Variants in GRM1 observed in about 807,000 individuals in gnomAD.
The protein encoded by GRM1 is glutamate metabotropic receptor 1, also known as metabotropic glutamate receptor 1.
Under a neutral mutation model 90.9 loss-of-function variants are expected in GRM1, and 33 were observed. The ratio of observed to expected loss-of-function variants is 0.36; its 90% CI spans 0.28 to 0.49. The LOEUF is 0.49. GRM1 is among the 20% of genes least tolerant of loss of function. GRM1 has a pLI of 0.99. For synonymous variants in GRM1, 700 were observed against 613.2 expected, an observed-to-expected ratio of 1.14 and a Z score of -2.09; for missense variants, 1,190 against 1,534.3, an observed-to-expected ratio of 0.78 and a Z score of 3.75.
chr6:146,114,729 T>C (rs1235013555), intron 1 of GRM1, among the ~76,000 whole-genome samples: 1 of 152,144 alleles, frequency 6.6e-6, no homozygotes, highest in Non-Finnish European at 1.5e-5. Context: ...ATAATATTAG[T>C]TGTGTTTGGG....
chr6:146,386,665 T>C (rs1225738879), intron 5 of GRM1, among the ~76,000 whole-genome samples: 1 of 152,050 alleles, frequency 6.6e-6, no homozygotes, highest in Non-Finnish European at 1.5e-5. Context: ...TGAATTATTA[T>C]TGAAAAGCCT....
chr6:146,048,584 A>G (rs938911508), intron 1 of GRM1, among the ~76,000 whole-genome samples: 1 of 152,026 alleles, frequency 6.6e-6, no homozygotes, highest in African/African-American at 2.4e-5. Context: ...ATATCTCATA[A>G]TATGAGCTTA....
At chr6:146,117,636 A>C (rs997589668) in intron 1 of GRM1, among the ~76,000 whole-genome samples, 1 of 151,968 alleles carries the variant, frequency 6.6e-6, no homozygotes, top group African/African-American at 2.4e-5. Context: ...ATGTTTCACT[A>C]TCTACTACAA....
intron 2 of GRM1, among the ~76,000 whole-genome samples, chr6:146,234,882 A>G (rs1168750444): frequency 6.6e-6 from 1 of 152,066 alleles, no homozygotes; most frequent in Non-Finnish European, 1.5e-5. Context: ...AGCTGAGACT[A>G]CAAGCATGGG....
chr6:146,408,033 C>T (rs527791648), intron 7 of GRM1, among the ~76,000 whole-genome samples: 4 of 152,242 alleles, frequency 2.6e-5, no homozygotes, highest in South Asian at 4.1e-4. Context: ...ATATATTGCT[C>T]ACAGTTCTGG....
intron 1 of GRM1, among the ~76,000 whole-genome samples, chr6:146,159,023 A>C (rs1777615761): frequency 6.6e-6 from 1 of 152,186 alleles, no homozygotes; most frequent in Non-Finnish European, 1.5e-5. Flanking sequence ...CAATGCACTG[A>C]TCTCTCCTAC....
At chr6:146,127,197 C>T (rs1416267294) in intron 1 of GRM1, among the ~76,000 whole-genome samples, 4 of 152,010 alleles carry the variant, frequency 2.6e-5, no homozygotes, top group African/African-American at 7.3e-5. Flanking sequence ...TTATAGTTTC[C>T]GTGGAAAGAA....
intron 3 of GRM1, among the ~76,000 whole-genome samples, chr6:146,347,160 A>T (rs935450675): frequency 3.9e-5 from 6 of 152,252 alleles, no homozygotes; most frequent in African/African-American, 1.4e-4. Flanking sequence ...GCACAATATT[A>T]CTAACAACTC....
In GRM1 at chr6:146,113,677, G is replaced by A. The variant is rs528068145; in HGVS notation, c.701-45671G>A. ...TGTTTTGATGTCTAGAGCACTGACA[G>A]TTTTTCCTCTCCAAATTTTTGAAAC... On this transcript the variant is annotated intron_variant, in intron 1 of 7. Transcript: ENST00000282753. Among the ~76,000 whole-genome samples the A allele has an allele frequency of 3.9e-5, 6 of 152,246 alleles. No individual in the cohort carries two copies. The South Asian group carries it at 1.2e-3, about 32-fold the overall frequency.
chr6:146,116,258 C>G (rs1339575662), intron 1 of GRM1, among the ~76,000 whole-genome samples: 1 of 152,044 alleles, frequency 6.6e-6, no homozygotes, highest in African/African-American at 2.4e-5. Context: ...CACCTGGCCC[C>G]CATTCATCAA....
Position 146,429,348 on chromosome 6 carries a change from G to A in GRM1, c.2661-4524G>A, listed in dbSNP as rs563202318. The stretch of plus-strand genomic sequence containing the variant: ...AGGCGAGAAATTGTAATTATGTTCA[G>A]ATAGGCCCCCAAGTTTGAGAATACA... On this transcript the variant is annotated intron_variant, in intron 7 of 7. Coordinates refer to ENST00000282753, the MANE Select transcript of GRM1 (RefSeq NM_001278064.2). 2.0e-5 allele frequency among the ~76,000 whole-genome samples: 3 copies of A among 152,318 alleles called. No individual in the cohort carries two copies. The East Asian group carries it at 5.8e-4, about 29-fold the overall frequency.
In GRM1 at chr6:146,399,551, A is replaced by C. The variant is rs758783319; in HGVS notation, c.2512A>C (p.Ile838Leu). 10 of 1,614,120 alleles carry C rather than the reference A, an allele frequency of 6.2e-6. No homozygotes were observed. Among genetic ancestry groups the C allele is most frequent in the Non-Finnish European group, 5.9e-6 (7 of 1,180,000 alleles). The change falls in exon 7 of 8, where the codon ATT becomes CTT. Residue 838 changes from isoleucine to leucine, a missense_variant. Ile to Leu is a conservative substitution (Grantham distance 5). This residue lies in a region of GRM1 where 73 missense variants were observed against 150.6 expected (regional missense o/e 0.48). Transcript: ENST00000282753. This position sits in a 1 kb window ranked among gnomAD's most constrained non-coding sequence, Gnocchi z 5.4. ...CATGTTCACTCCCAAGATGTACATC[A>C]TTATTGCCAAGCCTGAGAGGAATGT... ...GCMFTPKMYI[I>L]IAKPERNVRS...
intron 4 of GRM1, among the ~76,000 whole-genome samples, chr6:146,353,357 T>C (rs1785471744): frequency 6.6e-6 from 1 of 152,212 alleles, no homozygotes; most frequent in Admixed American, 6.5e-5. Flanking sequence ...CCCTGTCACC[T>C]GTCAGTCTAC....
intron 2 of GRM1, among the ~76,000 whole-genome samples, chr6:146,297,463 A>G (rs1012930260): frequency 1.3e-5 from 2 of 152,098 alleles, no homozygotes; most frequent in African/African-American, 4.8e-5. Context: ...CCCAGCCAAA[A>G]AGTCCAAACA....
At chr6:146,261,432 C>A (rs1342212873) in intron 2 of GRM1, among the ~76,000 whole-genome samples, 1 of 152,130 alleles carries the variant, frequency 6.6e-6, no homozygotes, top group Admixed American at 6.5e-5. Flanking sequence ...TTAAATGTGC[C>A]AGTTCAAACA....
At chr6:146,362,512 T>C (rs1775521036) in intron 5 of GRM1, among the ~76,000 whole-genome samples, 1 of 151,796 alleles carries the variant, frequency 6.6e-6, no homozygotes, top group Non-Finnish European at 1.5e-5. Flanking sequence ...ACCCCATCTC[T>C]ACTAAAAATA....
intron 2 of GRM1, among the ~76,000 whole-genome samples, chr6:146,301,241 G>C (rs941550226): frequency 2.0e-5 from 3 of 152,114 alleles, no homozygotes; most frequent in African/African-American, 7.2e-5. Flanking sequence ...ACTTCTGAAA[G>C]AGCAGGCACC....
intron 5 of GRM1, among the ~76,000 whole-genome samples, chr6:146,385,798 G>A (rs1050657332): frequency 2.0e-5 from 3 of 151,864 alleles, no homozygotes; most frequent in Non-Finnish European, 2.9e-5. Flanking sequence ...CCCAAAGGAC[G>A]GGAGGGGAAA....
Position 146,159,583 on chromosome 6 carries a change from C to A in GRM1, c.936C>A (p.Phe312Leu). 1 of 1,611,654 alleles carries A rather than the reference C, an allele frequency of 6.2e-7. No individual in the cohort carries two copies. The highest frequency in any genetic ancestry group is 1.1e-5 in the South Asian group (1 of 91,000). ...AMRRLGVVGE[F>L]SLIGSDGWAD... Reference sequence around the variant, plus strand: ...GGCGCCTTGGCGTCGTGGGCGAGTTCTCACTCATTGGAAGGTAAGTTTCTC... The same window carrying A: ...GGCGCCTTGGCGTCGTGGGCGAGTTATCACTCATTGGAAGGTAAGTTTCTC... Residue 312 changes from phenylalanine (F) to leucine (L), a missense_variant, in exon 2 of 8, where the codon TTC (phenylalanine) becomes TTA (leucine). By Grantham distance (22) the Phe-to-Leu change is conservative. This residue lies in a region of GRM1 where 414 missense variants were observed against 598.4 expected (regional missense o/e 0.69). Transcript: ENST00000282753.
Sources: gnomAD v4.1 joint callset for allele counts (sites outside exome capture counted in the v4.1 genomes callset) on GRCh38, gnomAD v4.1.1 for gene constraint, gnomAD v4.1.1 regional missense constraint, Gnocchi (gnomAD v3.1) non-coding constraint, MANE v1.5 for transcripts, NCBI Gene and HGNC (gene_info 2026-07-23, HGNC 2026-07-21) for gene names.